Variants in KDM4B observed in about 807,000 individuals in gnomAD.
The protein encoded by KDM4B is lysine-specific demethylase 4B.
In KDM4B, 32 loss-of-function variants were observed where a neutral mutation model predicts 125.2. The observed-to-expected ratio is 0.26, with a 90% CI of 0.19 to 0.34. KDM4B has a LOEUF of 0.34. Among genes scored for constraint, KDM4B ranks in the 10% least tolerant of loss-of-function variants. The pLI is 1.00. For synonymous variants in KDM4B, 721 were observed against 677.9 expected (o/e 1.06, Z -0.99); for missense variants, 1,190 against 1,577.7 (o/e 0.75, Z 4.16).
chr19:5,037,933 G>T (rs981060443), intron 3 of KDM4B, among the ~76,000 whole-genome samples: 2 of 152,264 alleles, frequency 1.3e-5, no homozygotes, highest in Non-Finnish European at 2.9e-5. Flanking sequence ...CAGGCACCTG[G>T]AGGATAAGTG....
chr19:5,056,475 G>A (rs1442698757), intron 6 of KDM4B, among the ~76,000 whole-genome samples: 1 of 148,420 alleles, frequency 6.7e-6, no homozygotes, highest in African/African-American at 2.5e-5. Context: ...GTGTAATCTC[G>A]GCTCACTGCA....
intron 1 of KDM4B, among the ~76,000 whole-genome samples, chr19:5,008,463 G>C (rs1035049367): frequency 4.6e-5 from 7 of 151,716 alleles, no homozygotes; most frequent in Non-Finnish European, 8.8e-5. Flanking sequence ...TAGATGTTAA[G>C]GAAAAATAAT....
rs545696674 is a variant in KDM4B, at chr19:5,021,794, C to T, written c.-26+5455C>T. Among the ~76,000 whole-genome samples, 11 of 151,978 alleles carry T rather than the reference C, an allele frequency of 7.2e-5. No individual in the cohort carries two copies. In the South Asian group the frequency reaches 1.0e-3, roughly 14 times the overall value. On this transcript the variant is annotated intron_variant, in intron 2 of 22. Coordinates refer to ENST00000159111, the MANE Select transcript of KDM4B (RefSeq NM_015015.3). ...GATTACAGGAGCGTGCCACCATGCC[C>T]GGCTAATTTTTGTATTTTTTTAGTA...
At chr19:5,062,577 C>T (rs765286817) in intron 6 of KDM4B, among the ~76,000 whole-genome samples, 9 of 152,080 alleles carry the variant, frequency 5.9e-5, no homozygotes, top group South Asian at 2.1e-4. Flanking sequence ...CCACCCTAGA[C>T]GAGGGACAGG....
chr19:5,043,076 G>A (rs1399840494), intron 5 of KDM4B, among the ~76,000 whole-genome samples: 1 of 151,234 alleles, frequency 6.6e-6, no homozygotes, highest in East Asian at 1.9e-4. Context: ...TTGGGTTTTG[G>A]ATTTTTGGAG....
At chr19:5,040,628 G>T (rs534020871) in intron 4 of KDM4B, among the ~76,000 whole-genome samples, 1 of 152,076 alleles carries the variant, frequency 6.6e-6, no homozygotes, top group Admixed American at 6.5e-5. Flanking sequence ...GCACAGCCAC[G>T]TAGCCTCCGT....
At chr19:5,008,331 G>C (rs1370221946) in intron 1 of KDM4B, among the ~76,000 whole-genome samples, 1 of 152,056 alleles carries the variant, frequency 6.6e-6, no homozygotes, top group Non-Finnish European at 1.5e-5. Context: ...TAAGCGTGTG[G>C]GTTTATTTCT....
At chr19:5,091,151 C>T (rs534764662) in intron 9 of KDM4B, among the ~76,000 whole-genome samples, 5 of 152,384 alleles carry the variant, frequency 3.3e-5, no homozygotes, top group East Asian at 1.9e-4. Context: ...GCTCAGCACG[C>T]GGCCGGGCTG....
intron 1 of KDM4B, among the ~76,000 whole-genome samples, chr19:4,987,021 A>G (rs1007493050): frequency 2.0e-5 from 3 of 151,710 alleles, no homozygotes; most frequent in African/African-American, 7.3e-5. Flanking sequence ...TAGTGGCACA[A>G]TCTCTCGGCT....
chr19:5,100,833 A>G (rs1445079724), intron 9 of KDM4B, among the ~76,000 whole-genome samples: 2 of 152,118 alleles, frequency 1.3e-5, no homozygotes, highest in Admixed American at 6.5e-5. Flanking sequence ...TCTTCTGAAT[A>G]TTCCTTTTGT....
At chr19:5,046,394 C>A (rs1252880839) in intron 5 of KDM4B, among the ~76,000 whole-genome samples, 1 of 152,260 alleles carries the variant, frequency 6.6e-6, no homozygotes, top group African/African-American at 2.4e-5. Flanking sequence ...TCATCACTGC[C>A]TCCCTCCTCA....
At chr19:5,136,789 C>T (rs958993312) in intron 15 of KDM4B, among the ~76,000 whole-genome samples, 3 of 152,230 alleles carry the variant, frequency 2.0e-5, no homozygotes, top group Non-Finnish European at 4.4e-5. Flanking sequence ...GGGCAGGCGG[C>T]ACCCCTGCCC....
At chr19:5,053,750 G>A (rs1039480071) in intron 6 of KDM4B, among the ~76,000 whole-genome samples, 1 of 152,232 alleles carries the variant, frequency 6.6e-6, no homozygotes, top group Non-Finnish European at 1.5e-5. Flanking sequence ...AGCAAGTGAG[G>A]CCCCCAGGCC....
intron 1 of KDM4B, among the ~76,000 whole-genome samples, chr19:5,012,984 T>C (rs1490374992): frequency 6.6e-6 from 1 of 152,200 alleles, no homozygotes. Flanking sequence ...CTCTCATCTA[T>C]TGCGGATGGG....
In KDM4B at chr19:5,036,485, G is replaced by A. The variant is rs545928075; in HGVS notation, c.142-3351G>A. 1.4e-3 allele frequency among the ~76,000 whole-genome samples: 214 copies of A among 152,330 alleles called. 1 individual carries two copies. The highest frequency in any genetic ancestry group is 4.2e-3 in the African/African-American group (174 of 41,576). Reference sequence around the variant, plus strand: ...GAGAGGAGCCCTGGAAGGCCCCGTCGGGGGTCCTGTTGGGAGGGGTGGGAA... The same window carrying A: ...GAGAGGAGCCCTGGAAGGCCCCGTCAGGGGTCCTGTTGGGAGGGGTGGGAA... On this transcript the variant is annotated intron_variant, in intron 3 of 22. Transcript: ENST00000159111.
intron 9 of KDM4B, among the ~76,000 whole-genome samples, chr19:5,107,355 G>A (rs911700622): frequency 2.6e-5 from 4 of 152,186 alleles, no homozygotes; most frequent in Admixed American, 6.5e-5. Flanking sequence ...CTTATCTGTC[G>A]CGAGTGCTGA....
intron 2 of KDM4B, among the ~76,000 whole-genome samples, chr19:5,023,100 G>A (rs930790253): frequency 3.9e-5 from 6 of 152,120 alleles, no homozygotes; most frequent in African/African-American, 1.4e-4. Flanking sequence ...TGGGGAGCCC[G>A]ATGTCCTCAC....
chr19:5,077,155 A>T, intron 7 of KDM4B: 1 of 591,938 alleles, frequency 1.7e-6, no homozygotes, highest in East Asian at 2.8e-5. Context: ...AGCTCACAGC[A>T]GGGCACTATG....
intron 11 of KDM4B, among the ~76,000 whole-genome samples, chr19:5,120,513 C>T (rs1176351855): frequency 1.3e-5 from 2 of 152,116 alleles, no homozygotes; most frequent in African/African-American, 4.8e-5. Context: ...GGGCAGCCGC[C>T]TTCCCACAGG....
Sources: gnomAD v4.1 joint callset for allele counts (sites outside exome capture counted in the v4.1 genomes callset) on GRCh38, gnomAD v4.1.1 for gene constraint, MANE v1.5 for transcripts, NCBI Gene and HGNC (gene_info 2026-07-23, HGNC 2026-07-21) for gene names.